VRK1: variants seen among roughly 807,000 people sequenced by gnomAD.
VRK1 encodes the protein VRK serine/threonine kinase 1.
A neutral mutation model predicts 57.1 loss-of-function variants in VRK1; 33 were observed. The observed-to-expected ratio is 0.58, with a 90% CI of 0.44 to 0.77. VRK1 has a LOEUF of 0.77. VRK1 is among the 30% of genes least tolerant of loss of function. The pLI is 0.00. For missense variants in VRK1, 413 were observed against 477.3 expected, an observed-to-expected ratio of 0.87 and a Z score of 1.25; for synonymous variants, 137 against 147.8, an observed-to-expected ratio of 0.93 and a Z score of 0.53.
chr14:96,803,979 T>A (rs1217965300), intron 1 of VRK1, among the ~76,000 whole-genome samples: 1 of 152,250 alleles, frequency 6.6e-6, no homozygotes, highest in Non-Finnish European at 1.5e-5. Flanking sequence ...CTGGCTTGTC[T>A]TTTCATTCTC....
intron 1 of VRK1, among the ~76,000 whole-genome samples, chr14:96,802,899 T>G (rs1454580097): frequency 6.6e-6 from 1 of 152,244 alleles, no homozygotes; most frequent in African/African-American, 2.4e-5. Context: ...CAGGTTCTTT[T>G]GTGACTGTAA....
intron 11 of VRK1, among the ~76,000 whole-genome samples, chr14:96,874,757 T>G (rs1212250273): frequency 6.6e-6 from 1 of 152,214 alleles, no homozygotes; most frequent in Non-Finnish European, 1.5e-5. Context: ...TAATAACAGT[T>G]CTGACCGTTT....
chr14:96,875,764 C>G (rs1889001739), intron 11 of VRK1, among the ~76,000 whole-genome samples: 1 of 147,990 alleles, frequency 6.8e-6, no homozygotes, highest in South Asian at 2.2e-4. Context: ...GTATATAAAG[C>G]ATGAAAAGTT....
rs539210920 is a variant in VRK1 at position 96,818,679 on chromosome 14, A to G, written c.-5-14788A>G. Among the ~76,000 whole-genome samples the G allele has an allele frequency of 7.4e-4, 113 of 152,242 alleles. 2 individuals carry two copies. The highest frequency in any genetic ancestry group is 6.8e-3 in the Middle Eastern group (2 of 294). Reference sequence around the variant, plus strand: ...ACCATATAGCCATGAATTTTTTTATACTTTCATTGATATGCATAATTCTCC... The same window carrying G: ...ACCATATAGCCATGAATTTTTTTATGCTTTCATTGATATGCATAATTCTCC... On this transcript the variant is annotated intron_variant, in intron 1 of 12. Transcript: ENST00000216639.
At chr14:96,841,699 G>A (rs1213305972) in intron 3 of VRK1, among the ~76,000 whole-genome samples, 1 of 151,960 alleles carries the variant, frequency 6.6e-6, no homozygotes, top group African/African-American at 2.4e-5. Flanking sequence ...GCCAGGTGTG[G>A]TGGTGCCTGC....
chr14:96,870,349 C>T (rs1348891156), intron 11 of VRK1, among the ~76,000 whole-genome samples: 1 of 152,030 alleles, frequency 6.6e-6, no homozygotes, highest in Admixed American at 6.6e-5. Flanking sequence ...AAAGCATGAC[C>T]CGGCCACTCA....
intron 2 of VRK1, among the ~76,000 whole-genome samples, chr14:96,837,490 A>G (rs1237672265): frequency 6.6e-6 from 1 of 152,204 alleles, no homozygotes; most frequent in Non-Finnish European, 1.5e-5. Context: ...TTTTGAATTA[A>G]AGAAATCTTT....
chr14:96,809,634 A>G (rs1021665567), intron 1 of VRK1, among the ~76,000 whole-genome samples: 1 of 138,314 alleles, frequency 7.2e-6, no homozygotes, highest in Admixed American at 7.8e-5. Flanking sequence ...GTGCAGTGGT[A>G]TGATCTTGGC....
intron 11 of VRK1, 42 bp downstream of exon 11, chr14:96,860,777 TA>T: frequency 6.3e-7 from 1 of 1,598,912 alleles, no homozygotes; most frequent in Non-Finnish European, 8.6e-7. Flanking sequence ...TTCTTGTGTT[TA>T]TAATTGCAAT....
chr14:96,841,585 C>T (rs527592249), intron 3 of VRK1, among the ~76,000 whole-genome samples: 11 of 152,268 alleles, frequency 7.2e-5, no homozygotes, highest in Non-Finnish European at 1.3e-4. Flanking sequence ...TGACCAGGCG[C>T]GGTGGCTCAC....
chr14:96,834,862 G>A (rs373609805), intron 2 of VRK1, among the ~76,000 whole-genome samples: 1 of 152,122 alleles, frequency 6.6e-6, no homozygotes, highest in East Asian at 1.9e-4. Flanking sequence ...TTGTGATGGA[G>A]GAGAGATGGT....
chr14:96,813,563 T>A (rs936100687), intron 1 of VRK1, among the ~76,000 whole-genome samples: 1 of 152,200 alleles, frequency 6.6e-6, no homozygotes, highest in Admixed American at 6.5e-5. Context: ...GACGTTTTAT[T>A]TACATCAGTG....
At chr14:96,811,096 A>T (rs1886180743) in intron 1 of VRK1, among the ~76,000 whole-genome samples, 2 of 151,728 alleles carry the variant, frequency 1.3e-5, no homozygotes, top group African/African-American at 2.4e-5. Flanking sequence ...CGCCCAGCTA[A>T]TTTTTTGAAT....
intron 11 of VRK1, among the ~76,000 whole-genome samples, chr14:96,874,144 A>C (rs1177753842): frequency 6.6e-6 from 1 of 152,238 alleles, no homozygotes; most frequent in Non-Finnish European, 1.5e-5. Context: ...TGGGAAATGC[A>C]TTCTCTGCTG....
intron 1 of VRK1, among the ~76,000 whole-genome samples, chr14:96,815,752 C>T (rs374097601): frequency 1.6e-4 from 24 of 151,396 alleles, no homozygotes; most frequent in East Asian, 7.8e-4. Flanking sequence ...AAAACAAATT[C>T]GTGGGCATGG....
chr14:96,799,593 T>G (rs542168249), intron 1 of VRK1, among the ~76,000 whole-genome samples: 1 of 152,348 alleles, frequency 6.6e-6, no homozygotes, highest in Non-Finnish European at 1.5e-5. Flanking sequence ...ATGAAGGATG[T>G]CTCCTGAATT....
intron 12 of VRK1, 123 bp downstream of exon 12, chr14:96,876,243 A>G: frequency 1.2e-6 from 1 of 833,562 alleles, no homozygotes; most frequent in Non-Finnish European, 2.1e-6. Context: ...ATACCACAAG[A>G]TTTTTATATA....
chr14:96,818,949 T>G (rs563651815), intron 1 of VRK1, among the ~76,000 whole-genome samples: 3 of 152,336 alleles, frequency 2.0e-5, no homozygotes, highest in Middle Eastern at 3.4e-3. Flanking sequence ...TCAAATGATT[T>G]CTTAGCACTA....
rs1265466053 is a variant in VRK1 at position 96,855,222 on chromosome 14, AG to A, written c.577del. ...TTTGTCTTGGTGCTTGGAAATTTAT[AG>A]GTGTACTTGGTAGATTATGGCCTTG... On this transcript the variant is annotated splice_acceptor_variant, in intron 7 of 12. Coordinates refer to ENST00000216639, the MANE Select transcript of VRK1 (RefSeq NM_003384.3). LOFTEE classifies it high-confidence loss of function. 1 of 1,613,954 alleles carries A rather than the reference AG, an allele frequency of 6.2e-7. No homozygotes were observed.
Sources: allele counts gnomAD v4.1 joint callset (sites outside exome capture counted in the v4.1 genomes callset), GRCh38; gene constraint gnomAD v4.1.1; transcripts MANE v1.5; gene names NCBI Gene and HGNC (gene_info 2026-07-23, HGNC 2026-07-21).